Variants in MED12L observed in about 807,000 individuals in gnomAD.
MED12L encodes mediator of RNA polymerase II transcription subunit 12-like protein.
MED12L carries 60 observed loss-of-function variants against 281.3 expected under a neutral mutation model. The ratio of observed to expected loss-of-function variants is 0.21; its 90% CI spans 0.17 to 0.26. MED12L has a LOEUF of 0.26. MED12L is among the 10% of genes least tolerant of loss of function. The pLI, the probability that MED12L is intolerant of heterozygous loss-of-function variation, is 1.00. For missense variants in MED12L, 2,146 were observed against 2,680.9 expected (o/e 0.80, Z 4.41); for synonymous variants, 974 against 987.2 (o/e 0.99, Z 0.25).
intron 3 of MED12L, among the ~76,000 whole-genome samples, chr3:151,118,207 A>G (rs1009032710): frequency 1.3e-5 from 2 of 152,100 alleles, no homozygotes; most frequent in African/African-American, 4.8e-5. Flanking sequence ...TTGTGAAATT[A>G]AAAACACACA....
chr3:151,288,151 A>G (rs895181013), intron 16 of MED12L, among the ~76,000 whole-genome samples: 1 of 152,192 alleles, frequency 6.6e-6, no homozygotes, highest in African/African-American at 2.4e-5. Context: ...TGTTGATTTC[A>G]GGATATTTTC....
intron 19 of MED12L, 131 bp from the exon 20 acceptor site, chr3:151,357,082 T>G: frequency 2.5e-6 from 2 of 802,042 alleles, no homozygotes; most frequent in Non-Finnish European, 3.8e-6. Context: ...GATTAAAAAT[T>G]TTAAAAAAGT....
chr3:151,351,869 T>C (rs1753279053), intron 17 of MED12L, among the ~76,000 whole-genome samples: 1 of 152,214 alleles, frequency 6.6e-6, no homozygotes, highest in African/African-American at 2.4e-5. Flanking sequence ...AATGCCACAC[T>C]ATAGTTTGTC....
intron 16 of MED12L, among the ~76,000 whole-genome samples, chr3:151,258,351 T>G (rs1213426776): frequency 6.6e-6 from 1 of 152,226 alleles, no homozygotes; most frequent in Non-Finnish European, 1.5e-5. Context: ...TAATTTTTAG[T>G]ACTTTCTAAT....
intron 16 of MED12L, among the ~76,000 whole-genome samples, chr3:151,237,700 A>T (rs1368849749): frequency 2.6e-5 from 4 of 152,058 alleles, no homozygotes; most frequent in African/African-American, 9.7e-5. Context: ...CCTACCAATG[A>T]TGTGTAGTGA....
At chr3:151,184,319 T>A (rs1185377474) in intron 11 of MED12L, among the ~76,000 whole-genome samples, 1 of 152,228 alleles carries the variant, frequency 6.6e-6, no homozygotes, top group African/African-American at 2.4e-5. Flanking sequence ...ATGTGCTAAG[T>A]TCATGCATGT....
chr3:151,354,315 G>T (rs1489817639), intron 17 of MED12L, among the ~76,000 whole-genome samples: 1 of 151,926 alleles, frequency 6.6e-6, no homozygotes, highest in African/African-American at 2.4e-5. Flanking sequence ...GTTAAGAAGA[G>T]TACCCCTAGA....
intron 8 of MED12L, among the ~76,000 whole-genome samples, chr3:151,161,637 C>T (rs1236103064): frequency 3.3e-5 from 5 of 152,118 alleles, no homozygotes; most frequent in Non-Finnish European, 5.9e-5. Flanking sequence ...TAAGTTGCAA[C>T]GTATGTTATT....
At chr3:151,149,329 C>T (rs141057505) in intron 5 of MED12L, among the ~76,000 whole-genome samples, 21 of 152,218 alleles carry the variant, frequency 1.4e-4, no homozygotes, top group Admixed American at 9.8e-4. Flanking sequence ...CAGACTGCTA[C>T]AATAAAGTGA....
At chr3:151,294,154 C>T in intron 16 of MED12L, 4 of 1,437,900 alleles carry the variant, frequency 2.8e-6, no homozygotes, top group Non-Finnish European at 3.9e-6. Flanking sequence ...TCGATTCCAA[C>T]AAACAATAAA....
intron 16 of MED12L, among the ~76,000 whole-genome samples, chr3:151,242,652 C>G (rs1027320915): frequency 3.3e-5 from 5 of 152,140 alleles, no homozygotes; most frequent in African/African-American, 4.8e-5. Context: ...GTAGATAAAA[C>G]CACAAAGATG....
At position 151,355,243 on chromosome 3, in the gene MED12L, G is replaced by C. The variant is rs368547003; in HGVS notation, c.2517+4G>C. 6.3e-7 allele frequency: 1 copy of C among 1,586,856 alleles called. No individual in the cohort carries two copies. The highest frequency in any genetic ancestry group is 8.6e-7 in the Non-Finnish European group (1 of 1,158,516). On this transcript the variant is annotated splice_donor_region_variant and intron_variant, in intron 18 of 44. Transcript: ENST00000687756. ...TCAACATCAAGTGACATCTCAGGTA[G>C]CTATTTAAAGCTGTTTATTATGCAT...
intron 2 of MED12L, among the ~76,000 whole-genome samples, chr3:151,103,314 A>C (rs887743697): frequency 6.6e-6 from 1 of 152,148 alleles, no homozygotes; most frequent in Non-Finnish European, 1.5e-5. Context: ...TTTGAATATG[A>C]ATTAATTAAT....
intron 16 of MED12L, among the ~76,000 whole-genome samples, chr3:151,298,197 G>A (rs565625741): frequency 6.6e-6 from 1 of 152,098 alleles, no homozygotes; most frequent in South Asian, 2.1e-4. Context: ...ACGTATAGGT[G>A]TACTCAGAAG....
chr3:151,218,170 G>T (rs746699900), intron 16 of MED12L, among the ~76,000 whole-genome samples: 2 of 152,136 alleles, frequency 1.3e-5, no homozygotes, highest in Non-Finnish European at 2.9e-5. Flanking sequence ...ATACAAAAAT[G>T]TAAAAATAAA....
rs889495164 is a variant in MED12L at position 151,367,642 on chromosome 3, G to C, written c.3328-4G>C. ...ATTAAAACCTGTCAATGTTTTTCTT[G>C]AAGGTGAGTGACCTTTCATTCCATG... On this transcript the variant is annotated splice_polypyrimidine_tract_variant and splice_region_variant and intron_variant, in intron 23 of 44. Transcript: ENST00000687756. 2 of 1,598,058 alleles carry C rather than the reference G, an allele frequency of 1.3e-6. No homozygotes were observed. The highest frequency in any genetic ancestry group is 2.7e-5 in the African/African-American group (2 of 74,248).
chr3:151,179,405 T>C (rs1332739273), intron 11 of MED12L, among the ~76,000 whole-genome samples: 2 of 152,200 alleles, frequency 1.3e-5, no homozygotes, highest in African/African-American at 4.8e-5. Context: ...GTCTAGACCT[T>C]TGGCATCTGA....
intron 16 of MED12L, chr3:151,270,152 C>T (rs1364421605): frequency 1.9e-5 from 4 of 212,202 alleles, no homozygotes; most frequent in African/African-American, 9.9e-5. Context: ...CTGATAGGTT[C>T]CAACCTTTTT....
intron 4 of MED12L, among the ~76,000 whole-genome samples, chr3:151,124,095 G>A (rs1287629915): frequency 6.6e-6 from 1 of 152,200 alleles, no homozygotes; most frequent in Non-Finnish European, 1.5e-5. Context: ...AAGTCATAGG[G>A]CATCCTTCAA....
Sources: gnomAD v4.1 joint callset for allele counts (sites outside exome capture counted in the v4.1 genomes callset) on GRCh38, gnomAD v4.1.1 for gene constraint, MANE v1.5 for transcripts, NCBI Gene and HGNC (gene_info 2026-07-23, HGNC 2026-07-21) for gene names.